The following NOTCH4 variants were observed in gnomAD, a reference collection of about 807,000 sequenced individuals.
NOTCH4 encodes neurogenic locus notch homolog protein 4.
A neutral mutation model predicts 189.0 loss-of-function variants in NOTCH4; 138 were observed. The ratio of observed to expected loss-of-function variants is 0.73; its 90% CI spans 0.64 to 0.84. The LOEUF is 0.84. Among genes scored for constraint, NOTCH4 ranks in the 40% least tolerant of loss-of-function variants. NOTCH4 has a pLI of 0.00. For synonymous variants in NOTCH4, 942 were observed against 1,032.8 expected, an observed-to-expected ratio of 0.91 and a Z score of 1.69; for missense variants, 2,286 against 2,605.4, an observed-to-expected ratio of 0.88 and a Z score of 2.67.
chr6:32,216,622 A>T, intron 11 of NOTCH4: 1 of 471,324 alleles, frequency 2.1e-6, no homozygotes, highest in Non-Finnish European at 3.9e-6. Context: ...TGTCTTACTC[A>T]GATTTGCCTC....
At position 32,195,306 on chromosome 6, in the gene NOTCH4, C is replaced by T; in HGVS notation, c.*131G>A. 1 of 831,222 alleles carries T rather than the reference C, an allele frequency of 1.2e-6. No individual in the cohort carries two copies. The highest frequency in any genetic ancestry group is 1.8e-5 in the South Asian group (1 of 55,158). The allele number at this position is 831,222 out of a possible 1,614,324, so 51.5% of individuals were successfully genotyped here. A position where few individuals can be genotyped will look rare whatever the true frequency, so the allele number is the denominator to read the frequency against. On this transcript the variant is annotated 3_prime_UTR_variant, in exon 30 of 30. Coordinates refer to ENST00000375023, the MANE Select transcript of NOTCH4 (RefSeq NM_004557.4). This position sits in a 1 kb window ranked among gnomAD's most constrained non-coding sequence, Gnocchi z 5.4. ...GAAGATGTCTGCTCTGGTGGGCATACATTCATTTTAGGAGAGAAACTAAAC... is the reference window on the plus strand; with the variant it reads ...GAAGATGTCTGCTCTGGTGGGCATATATTCATTTTAGGAGAGAAACTAAAC...
chr6:32,215,390 G>A lies in NOTCH4; in HGVS notation c.1862-5C>T. 6.2e-7 allele frequency: 1 copy of A among 1,602,464 alleles called. No individual in the cohort carries two copies. Among genetic ancestry groups the A allele is most frequent in the Non-Finnish European group, 8.5e-7 (1 of 1,176,268 alleles). ...GGGGAACCTCACAGAGCTGGCCTGG[G>A]GTGGGAAGATGGGTCAAAAAGAAAA... is the stretch of plus-strand genomic sequence containing the variant. On this transcript the variant is annotated splice_polypyrimidine_tract_variant and splice_region_variant and intron_variant, in intron 11 of 29. Transcript: ENST00000375023.
At position 32,222,512 on chromosome 6, in the gene NOTCH4, T is replaced by C; in HGVS notation, c.450A>G (p.Thr150=). Residue 150 remains threonine (T), a splice_region_variant and synonymous_variant, in exon 3 of 30, where the codon ACA becomes ACG. Transcript: ENST00000375023. ...CTGGCTGCCCCCAGCAGCGCTTACCTGTCCATCCAGGCATGCAGGAGCACT... is the reference window on the plus strand; with the variant it reads ...CTGGCTGCCCCCAGCAGCGCTTACCCGTCCATCCAGGCATGCAGGAGCACT... ...RPQCSCMPGW[T]GEQCQLRDFC... is the part of the protein sequence containing the mutation. 6.6e-7 allele frequency: 1 copy of C among 1,524,138 alleles called. No homozygotes were observed. Among genetic ancestry groups the C allele is most frequent in the Non-Finnish European group, 8.8e-7 (1 of 1,141,370 alleles). The allele number at this position is 1,524,138 out of a possible 1,614,324, so 94.4% of individuals were successfully genotyped here.
Position 32,217,896 on chromosome 6 carries a change from A to G in NOTCH4, c.1624+99T>C. 1 of 756,690 alleles carries G rather than the reference A, an allele frequency of 1.3e-6. No individual in the cohort carries two copies. The highest frequency in any genetic ancestry group is 2.3e-6 in the Non-Finnish European group (1 of 431,858). 46.9% of individuals were successfully genotyped at this position (756,690 alleles called of 1,614,324 possible). ...ATTTGGAGGACTCCTTGGCTTGGCT[A>G]GAGAGAGCTTCAAGTGGCCTTGGGT... On this transcript the variant is annotated intron_variant, in intron 9 of 29. Coordinates refer to ENST00000375023, the MANE Select transcript of NOTCH4 (RefSeq NM_004557.4). The surrounding 1 kb of genome is among the most constrained non-coding windows in gnomAD (Gnocchi z 4.2).
Position 32,218,045 on chromosome 6 carries a change from T to C in NOTCH4, c.1574A>G (p.His525Arg). The change falls in exon 9 of 30, where the codon CAC becomes CGC. Residue 525 changes from histidine (H) to arginine (R), a missense_variant. By Grantham distance (29) the His-to-Arg change is conservative (BLOSUM62 0). Coordinates refer to ENST00000375023, the MANE Select transcript of NOTCH4 (RefSeq NM_004557.4). ...NECASAPCLN[H>R]ADCHDLLNGF... is the part of the protein sequence containing the mutation. ...GTTGAGCAGGTCATGGCAATCCGCG[T>C]GGTTCAGGCAGGGAGCTGAGGCACA... 6.2e-7 allele frequency: 1 copy of C among 1,614,004 alleles called. No individual in the cohort carries two copies. The highest frequency in any genetic ancestry group is 8.5e-7 in the Non-Finnish European group (1 of 1,179,966).
chr6:32,198,125 A>C lies in NOTCH4; in HGVS notation c.4756+296T>G, dbSNP rs1788076569. On this transcript the variant is annotated intron_variant, in intron 26 of 29. Coordinates refer to ENST00000375023, the MANE Select transcript of NOTCH4 (RefSeq NM_004557.4). The surrounding 1 kb of genome is among the most constrained non-coding windows in gnomAD (Gnocchi z 5.5). ...CGTGAGCCACCACGCCCGGCCTAGC[A>C]GTGGTTTTCTCAAACGAGTCTGGAT... 6.6e-6 allele frequency among the ~76,000 whole-genome samples: 1 copy of C among 152,344 alleles called. No homozygotes were observed. Among genetic ancestry groups the C allele is most frequent in the Admixed American group, 6.5e-5 (1 of 15,298 alleles).
Position 32,218,037 on chromosome 6 carries a change from A to C in NOTCH4, c.1582T>G (p.Cys528Gly). The change falls in exon 9 of 30, where the codon TGC becomes GGC. Residue 528 changes from cysteine to glycine, a missense_variant. By Grantham distance (159) the Cys-to-Gly change is radical (BLOSUM62 -3). Coordinates refer to ENST00000375023, the MANE Select transcript of NOTCH4 (RefSeq NM_004557.4). ...ASAPCLNHAD[C>G]HDLLNGFQCI... ...TGGAAGCCGTTGAGCAGGTCATGGC[A>C]ATCCGCGTGGTTCAGGCAGGGAGCT... 1 of 1,614,052 alleles carries C rather than the reference A, an allele frequency of 6.2e-7. No individual in the cohort carries two copies. Among genetic ancestry groups the C allele is most frequent in the Non-Finnish European group, 8.5e-7 (1 of 1,179,970 alleles).
At chr6:32,207,633 C>T (rs953930810) in intron 18 of NOTCH4, among the ~76,000 whole-genome samples, 5 of 149,440 alleles carry the variant, frequency 3.3e-5, no homozygotes, top group Middle Eastern at 3.5e-3. Flanking sequence ...CTCTATCCCC[C>T]CCCCCCAAAA....
intron 18 of NOTCH4, among the ~76,000 whole-genome samples, chr6:32,207,090 T>C (rs1788724952): frequency 6.6e-6 from 1 of 151,618 alleles, no homozygotes; most frequent in Admixed American, 6.5e-5. Context: ...CCACCATGCC[T>C]GGCTAATTTT....
rs1204431822 is a variant in NOTCH4, at chr6:32,198,755, G to T, written c.4536-25C>A. 1 of 1,590,958 alleles carries T rather than the reference G, an allele frequency of 6.3e-7. No homozygotes were observed. The highest frequency in any genetic ancestry group is 2.2e-5 in the East Asian group (1 of 44,822). On this transcript the variant is annotated intron_variant, in intron 24 of 29. Coordinates refer to ENST00000375023, the MANE Select transcript of NOTCH4 (RefSeq NM_004557.4). This position sits in a 1 kb window ranked among gnomAD's most constrained non-coding sequence, Gnocchi z 5.5. ...CCTGGAAAGGAATGGGTGGGTAGAG[G>T]TTACACGGAATTATGACCATCAGGG...
intron 17 of NOTCH4, among the ~76,000 whole-genome samples, chr6:32,211,932 A>G (rs16869834): frequency 0.054 from 8,252 of 152,326 alleles, 233 homozygotes; most frequent in African/African-American, 0.067. Context: ...TCAAGTGAGG[A>G]CAAGTGGCTT....
chr6:32,195,765 G>T lies in NOTCH4; in HGVS notation c.5684C>A (p.Ser1895Tyr). ...DLAARGGGAY[S>Y]HCRSLSGVGA... ...TACTCCCGAGAGGCTCCGGCAATGA[G>T]AATAGGCCCCGCCCCCCCGCGCAGC... Residue 1895 changes from serine (S) to tyrosine (Y), a missense_variant, in exon 30 of 30, where the codon TCT (serine) becomes TAT (tyrosine). Ser to Tyr is a moderately radical substitution (Grantham distance 144, BLOSUM62 -2). Around this residue, in one of 2 missense-constraint regions of NOTCH4, gnomAD observed 383 missense variants for 343.5 expected, o/e 1.11. Coordinates refer to ENST00000375023, the MANE Select transcript of NOTCH4 (RefSeq NM_004557.4). This position sits in a 1 kb window ranked among gnomAD's most constrained non-coding sequence, Gnocchi z 5.4. 6.2e-7 allele frequency: 1 copy of T among 1,610,564 alleles called. No homozygotes were observed. Among genetic ancestry groups the T allele is most frequent in the Non-Finnish European group, 8.5e-7 (1 of 1,179,778 alleles).
Position 32,221,483 on chromosome 6 carries a change from C to T in NOTCH4, c.452-158G>A, listed in dbSNP as rs1789778214. Among the ~76,000 whole-genome samples, 1 of 152,208 alleles carries T rather than the reference C, an allele frequency of 6.6e-6. No homozygotes were observed. On this transcript the variant is annotated intron_variant, in intron 3 of 29. Transcript: ENST00000375023. This position sits in a 1 kb window ranked among gnomAD's most constrained non-coding sequence, Gnocchi z 4.3. ...TTTGCTCTGTTCCATCACCCCTGCT[C>T]TGAGCGATGTCATGGCTTGGGAGGG...
chr6:32,220,361 C>T, intron 6 of NOTCH4, 44 bp downstream of exon 6: 6 of 1,612,024 alleles, frequency 3.7e-6, no homozygotes, highest in Non-Finnish European at 5.1e-6. Context: ...TTCTCTCACC[C>T]TCCTTCTCTA....
intron 29 of NOTCH4, 30 bp downstream of exon 29, chr6:32,196,294 T>C (rs369441814): frequency 8.1e-5 from 130 of 1,612,956 alleles, no homozygotes; most frequent in Non-Finnish European, 1.0e-4. Flanking sequence ...CGCCTGACTG[T>C]TTTGTGGGAA....
rs1789530555 is a variant in NOTCH4 at position 32,218,113 on chromosome 6, G to A, written c.1511-5C>T. 6.3e-7 allele frequency: 1 copy of A among 1,584,060 alleles called. No individual in the cohort carries two copies. The highest frequency in any genetic ancestry group is 1.4e-5 in the African/African-American group (1 of 74,028). On this transcript the variant is annotated splice_polypyrimidine_tract_variant and splice_region_variant and intron_variant, in intron 8 of 29. Coordinates refer to ENST00000375023, the MANE Select transcript of NOTCH4 (RefSeq NM_004557.4). ...CACAGAGCTGCCCTTCTAAGCCTGG[G>A]GACATGGGGACCATGAGGGCTGTGG...
At position 32,202,819 on chromosome 6, in the gene NOTCH4, C is replaced by T. The variant is rs1032748023; in HGVS notation, c.3232-220G>A. The T allele has an allele frequency of 6.0e-6, 3 of 503,260 alleles. No individual in the cohort carries two copies. Among genetic ancestry groups the T allele is most frequent in the African/African-American group, 1.9e-5 (1 of 52,994 alleles). 31.2% of individuals were successfully genotyped at this position (503,260 alleles called of 1,614,324 possible). A position where few individuals can be genotyped will look rare whatever the true frequency, so the allele number is the denominator to read the frequency against. Reference sequence around the variant, plus strand: ...TACATTCTGTTGAAAATGGATGAAGCACAGCTGTGTGCAACAACCTGATGG... The same window carrying T: ...TACATTCTGTTGAAAATGGATGAAGTACAGCTGTGTGCAACAACCTGATGG... On this transcript the variant is annotated intron_variant, in intron 20 of 29. Transcript: ENST00000375023. The surrounding 1 kb of genome is among the most constrained non-coding windows in gnomAD (Gnocchi z 5.7).
chr6:32,207,554 G>A (rs3130291), intron 18 of NOTCH4, among the ~76,000 whole-genome samples: 28,273 of 151,108 alleles, frequency 0.19, 2,778 homozygotes, highest in South Asian at 0.25. Flanking sequence ...AACTTGGGAG[G>A]TGGAGGTTGC....
At chr6:32,214,785 C>T (rs1789299041) in intron 12 of NOTCH4, among the ~76,000 whole-genome samples, 1 of 151,950 alleles carries the variant, frequency 6.6e-6, no homozygotes, top group Non-Finnish European at 1.5e-5. Context: ...GCCACCATGC[C>T]CAGCTAATTT....
Sources: gnomAD v4.1 joint callset for allele counts (sites outside exome capture counted in the v4.1 genomes callset) on GRCh38, gnomAD v4.1.1 for gene constraint, gnomAD v4.1.1 regional missense constraint, Gnocchi (gnomAD v3.1) non-coding constraint, MANE v1.5 for transcripts, NCBI Gene and HGNC (gene_info 2026-07-23, HGNC 2026-07-21) for gene names.